RGS7: variants seen among roughly 807,000 people sequenced by gnomAD.
RGS7 encodes regulator of G protein signaling 7, also known as regulator of G-protein signaling 7.
In RGS7, 27 loss-of-function variants were observed where a neutral mutation model predicts 81.1. The ratio of observed to expected loss-of-function variants is 0.33; its 90% CI spans 0.25 to 0.46. The LOEUF is 0.46. Ranked by LOEUF, RGS7 falls within the 20% of genes least tolerant of loss-of-function variation. RGS7 has a pLI of 1.00. For missense variants in RGS7, 396 were observed against 607.4 expected (o/e 0.65, Z 3.66); for synonymous variants, 208 against 207.7 (o/e 1.00, Z -0.01).
chr1:241,317,022 C>A lies in RGS7; in HGVS notation c.78+38677G>T, dbSNP rs74150258. On this transcript the variant is annotated intron_variant, in intron 2 of 18. Coordinates refer to ENST00000440928, the MANE Select transcript of RGS7 (RefSeq NM_001364886.1). ...TCTCCATCACTTTCTGAAGTCTTGA[C>A]AGCTAATAAAATAATCAATCAAGCA... 8.2e-3 allele frequency among the ~76,000 whole-genome samples: 1,252 copies of A among 152,302 alleles called. 16 individuals are homozygous for A. Among genetic ancestry groups the A allele is most frequent in the African/African-American group, 0.029 (1,193 of 41,548 alleles).
At chr1:241,156,941 C>T (rs1025394454) in intron 2 of RGS7, among the ~76,000 whole-genome samples, 1 of 152,134 alleles carries the variant, frequency 6.6e-6, no homozygotes, top group Admixed American at 6.5e-5. Context: ...ACCAAGGATC[C>T]TTTTTAATTA....
intron 2 of RGS7, among the ~76,000 whole-genome samples, chr1:241,285,961 T>C (rs1352511753): frequency 1.3e-5 from 2 of 152,240 alleles, no homozygotes; most frequent in Non-Finnish European, 2.9e-5. Context: ...AAATCCATCA[T>C]GAGTGCGCAT....
At chr1:241,154,727 T>C (rs1186370527) in intron 2 of RGS7, among the ~76,000 whole-genome samples, 1 of 152,108 alleles carries the variant, frequency 6.6e-6, no homozygotes, top group African/African-American at 2.4e-5. Context: ...TTGGCAGAGC[T>C]GGGAGACTTA....
Position 241,092,745 on chromosome 1 carries a change from G to A in RGS7, c.175+5921C>T, listed in dbSNP as rs183805531. Among the ~76,000 whole-genome samples, 58 of 152,132 alleles carry A rather than the reference G, an allele frequency of 3.8e-4. No individual in the cohort carries two copies. In the East Asian group the frequency reaches 0.011, roughly 28 times the overall value. ...GGGCAAAACCACTCCTTACCACAAA[G>A]CAGACACTTCTCAGATGCCTCTTCA... On this transcript the variant is annotated intron_variant, in intron 3 of 18. Transcript: ENST00000440928.
chr1:241,055,323 T>C (rs2061425120), intron 3 of RGS7, among the ~76,000 whole-genome samples: 1 of 152,194 alleles, frequency 6.6e-6, no homozygotes, highest in South Asian at 2.1e-4. Flanking sequence ...GGCTTCTGAC[T>C]AATGGGCTAT....
rs374959477 is a variant in RGS7, at chr1:241,047,774, C to T, written c.175+50892G>A. Among the ~76,000 whole-genome samples, 6 of 114,802 alleles carry T rather than the reference C, an allele frequency of 5.2e-5. No homozygotes were observed. In the East Asian group the frequency reaches 8.1e-4, roughly 15 times the overall value. The allele number at this position is 114,802 out of a possible 152,430, so 75.3% of individuals were successfully genotyped here. A position where few individuals can be genotyped will look rare whatever the true frequency, so the allele number is the denominator to read the frequency against. ...TTTTTTTTTGAGATGGACTCTTGCT[C>T]TGTTGCCCAGGCTGGAGTGCAGTGG... On this transcript the variant is annotated intron_variant, in intron 3 of 18. Coordinates refer to ENST00000440928, the MANE Select transcript of RGS7 (RefSeq NM_001364886.1).
chr1:241,201,219 GA>G (rs1478874714), intron 2 of RGS7, among the ~76,000 whole-genome samples: 1 of 152,130 alleles, frequency 6.6e-6, no homozygotes, highest in African/African-American at 2.4e-5. Flanking sequence ...TCATCTGCCT[GA>G]GGGATTTCAA....
intron 2 of RGS7, among the ~76,000 whole-genome samples, chr1:241,176,449 G>A (rs2071152264): frequency 6.6e-6 from 1 of 152,116 alleles, no homozygotes. Context: ...AGTGTCTTCT[G>A]AGCCAGAATC....
intron 2 of RGS7, among the ~76,000 whole-genome samples, chr1:241,243,975 G>A (rs2076393428): frequency 6.6e-6 from 1 of 152,270 alleles, no homozygotes; most frequent in East Asian, 1.9e-4. Context: ...GAAGCTAAAA[G>A]TAGTGGAGCA....
chr1:241,102,599 A>G (rs1204321359), intron 2 of RGS7, among the ~76,000 whole-genome samples: 1 of 152,170 alleles, frequency 6.6e-6, no homozygotes, highest in Admixed American at 6.5e-5. Flanking sequence ...TTTTTTTTCA[A>G]ATGTTCACCT....
chr1:241,327,094 GAAAGAAAGAAAGAA>G (rs1163834317), intron 2 of RGS7, among the ~76,000 whole-genome samples: 2 of 61,306 alleles, frequency 3.3e-5, no homozygotes, highest in African/African-American at 1.4e-4. Flanking sequence ...AAGAAAGAAA[GAAAGAAAGAAAGAA>G]AGAAAGAAAG....
intron 3 of RGS7, among the ~76,000 whole-genome samples, chr1:241,025,137 T>G (rs1349147832): frequency 6.6e-6 from 1 of 152,172 alleles, no homozygotes; most frequent in Non-Finnish European, 1.5e-5. Context: ...CAAAGTATTT[T>G]AGGTTATGTA....
chr1:241,203,698 G>C (rs2073681799), intron 2 of RGS7, among the ~76,000 whole-genome samples: 3 of 152,078 alleles, frequency 2.0e-5, no homozygotes, highest in Admixed American at 2.0e-4. Flanking sequence ...CCTGTCTCTT[G>C]ATAAACACAA....
intron 3 of RGS7, among the ~76,000 whole-genome samples, chr1:241,067,639 C>T (rs2062146207): frequency 6.6e-6 from 1 of 151,860 alleles, no homozygotes; most frequent in Non-Finnish European, 1.5e-5. Context: ...CCTGCCTCAG[C>T]CTCCTGACTA....
At chr1:241,103,010 C>CAA (rs59775668) in intron 2 of RGS7, among the ~76,000 whole-genome samples, 9,553 of 126,990 alleles carry the variant, frequency 0.075, 568 homozygotes, top group African/African-American at 0.15. Context: ...TACAAGCAAG[C>CAA]AAAAAAAAAA....
chr1:241,089,057 CTCTCTCTATATATA>C (rs1199732015), intron 3 of RGS7, among the ~76,000 whole-genome samples: 13 of 48,604 alleles, frequency 2.7e-4, no homozygotes, highest in Non-Finnish European at 3.9e-4. Flanking sequence ...CTCTCTCTCT[CTCTCTCTATATATA>C]TATATATATA....
chr1:240,948,500 T>C (rs896808170), intron 4 of RGS7, among the ~76,000 whole-genome samples: 2 of 152,086 alleles, frequency 1.3e-5, no homozygotes, highest in East Asian at 1.9e-4. Flanking sequence ...CTGGAGTGCA[T>C]TGGCGTGATC....
chr1:240,839,929 C>G lies in RGS7; in HGVS notation c.610-12757G>C, dbSNP rs568936234. Among the ~76,000 whole-genome samples the G allele has an allele frequency of 2.6e-5, 4 of 152,276 alleles. No individual in the cohort carries two copies. The East Asian group carries it at 5.8e-4, about 22-fold the overall frequency. ...CACCAAGGAGGCATCACTAAGCCCT[C>G]TTTTCCCCTTACTTCCCACACTTGA... On this transcript the variant is annotated intron_variant, in intron 9 of 18. Transcript: ENST00000440928.
intron 15 of RGS7, among the ~76,000 whole-genome samples, chr1:240,805,343 C>T (rs1449003931): frequency 6.6e-6 from 1 of 152,080 alleles, no homozygotes; most frequent in Non-Finnish European, 1.5e-5. Context: ...ATGATCATGC[C>T]ACTGTAGGTA....
Sources: allele counts gnomAD v4.1 joint callset (sites outside exome capture counted in the v4.1 genomes callset), GRCh38; gene constraint gnomAD v4.1.1; transcripts MANE v1.5; gene names NCBI Gene and HGNC (gene_info 2026-07-23, HGNC 2026-07-21).